The following RBL1 variants were observed in gnomAD, a reference collection of about 807,000 sequenced individuals.
RBL1 encodes the protein RB transcriptional corepressor like 1.
Under a neutral mutation model 123.0 loss-of-function variants are expected in RBL1, and 82 were observed. The ratio of observed to expected loss-of-function variants is 0.67; its 90% CI spans 0.56 to 0.80. RBL1 has a LOEUF of 0.80. Among genes scored for constraint, RBL1 ranks in the 30% least tolerant of loss-of-function variants. RBL1 has a pLI of 0.00. For missense variants in RBL1, 1,171 were observed against 1,299.6 expected (o/e 0.90, Z 1.52); for synonymous variants, 405 against 441.3 (o/e 0.92, Z 1.03).
chr20:37,085,647 A>ATTTT lies in RBL1; in HGVS notation c.290+3338_290+3341dup, dbSNP rs1202673380. ...AGTTTGTTTCATTATTTGAAATTTG[A>ATTTT]TTTTTTTTTTTTTTTTTTTTTTTTG... On this transcript the variant is annotated intron_variant, in intron 2 of 21. Transcript: ENST00000373664. 2.3e-3 allele frequency among the ~76,000 whole-genome samples: 196 copies of ATTTT among 84,608 alleles called. 2 individuals are homozygous for ATTTT. The highest frequency in any genetic ancestry group is 3.0e-3 in the African/African-American group (63 of 21,236). The allele number at this position is 84,608 out of a possible 152,430, so 55.5% of individuals were successfully genotyped here.
intron 12 of RBL1, among the ~76,000 whole-genome samples, chr20:37,045,085 T>TTACTTAC (rs1568853155): frequency 6.7e-4 from 49 of 72,696 alleles, no homozygotes; most frequent in Admixed American, 1.5e-3. Context: ...TATTTACTTA[T>TTACTTAC]TTATTTATTT....
chr20:37,025,221 G>A lies in RBL1; in HGVS notation c.2383-2395C>T, dbSNP rs558206148. ...CCTTCCTGTAATAAAGACTATATTT[G>A]CCCCTTTGAAAATTCTGCCTGGGCA... On this transcript the variant is annotated intron_variant, in intron 16 of 21. Coordinates refer to ENST00000373664, the MANE Select transcript of RBL1 (RefSeq NM_002895.5). Among the ~76,000 whole-genome samples, 8 of 149,094 alleles carry A rather than the reference G, an allele frequency of 5.4e-5. No individual in the cohort carries two copies. The South Asian group carries it at 6.4e-4, about 12-fold the overall frequency.
At chr20:37,056,077 C>G in intron 10 of RBL1, 69 bp downstream of exon 10, 1 of 1,520,252 alleles carries the variant, frequency 6.6e-7, no homozygotes, top group South Asian at 1.3e-5. Flanking sequence ...GAGGAAAAAC[C>G]GTGAATTTCT....
At position 37,055,674 on chromosome 20, in the gene RBL1, A is replaced by G. The variant is rs755716277; in HGVS notation, c.1364-18T>C. 8.2e-6 allele frequency: 13 copies of G among 1,583,096 alleles called. No homozygotes were observed. Among genetic ancestry groups the G allele is most frequent in the Admixed American group, 5.7e-5 (3 of 52,902 alleles). ...AGCAAAGTCTATCAGGGAAATACAGAGAAAACATGTGTTAATGAATTTTAG... is the reference window on the plus strand; with the variant it reads ...AGCAAAGTCTATCAGGGAAATACAGGGAAAACATGTGTTAATGAATTTTAG... On this transcript the variant is annotated intron_variant, in intron 10 of 21. Coordinates refer to ENST00000373664, the MANE Select transcript of RBL1 (RefSeq NM_002895.5).
In RBL1 at chr20:37,056,266, A is replaced by G. The variant is rs746910711; in HGVS notation, c.1251-8T>C. On this transcript the variant is annotated splice_polypyrimidine_tract_variant and splice_region_variant and intron_variant, in intron 9 of 21. Coordinates refer to ENST00000373664, the MANE Select transcript of RBL1 (RefSeq NM_002895.5). Reference sequence around the variant, plus strand: ...GGATTACGCACACAAGATCTACAAAATACAAGAGGAACCAATTACCAAACC... The same window carrying G: ...GGATTACGCACACAAGATCTACAAAGTACAAGAGGAACCAATTACCAAACC... The G allele has an allele frequency of 5.7e-6, 9 of 1,591,770 alleles. No individual in the cohort carries two copies. The Admixed American group carries it at 1.6e-4, about 29-fold the overall frequency.
chr20:37,051,877 G>A (rs1439166735), intron 11 of RBL1, among the ~76,000 whole-genome samples: 3 of 151,356 alleles, frequency 2.0e-5, no homozygotes, highest in Non-Finnish European at 4.4e-5. Flanking sequence ...CTGACTATAA[G>A]AAATTCACTT....
At chr20:37,037,898 G>A (rs2064647065) in intron 14 of RBL1, among the ~76,000 whole-genome samples, 1 of 151,856 alleles carries the variant, frequency 6.6e-6, no homozygotes, top group Non-Finnish European at 1.5e-5. Context: ...TGTTGCCCGG[G>A]CTGGTCTTGA....
In RBL1 at chr20:37,049,303, T is replaced by G. The variant is rs142890178; in HGVS notation, c.1468-2113A>C. The stretch of plus-strand genomic sequence containing the variant: ...ACAGGGAAAACCATCACCCTCAAGG[T>G]TGAACCCTCGGATACGACAGAAAAT... On this transcript the variant is annotated intron_variant, in intron 11 of 21. Coordinates refer to ENST00000373664, the MANE Select transcript of RBL1 (RefSeq NM_002895.5). 18 of 636,448 alleles carry G rather than the reference T, an allele frequency of 2.8e-5. No individual in the cohort carries two copies. The East Asian group carries it at 4.7e-4, about 17-fold the overall frequency. The allele number at this position is 636,448 out of a possible 1,614,324, so 39.4% of individuals were successfully genotyped here.
intron 15 of RBL1, among the ~76,000 whole-genome samples, chr20:37,034,756 T>TTTTA (rs771601483): frequency 1.5e-4 from 23 of 151,610 alleles, no homozygotes; most frequent in Non-Finnish European, 2.5e-4. Context: ...ATTTATAAAA[T>TTTTA]TTAAAAATAA....
chr20:37,047,021 CA>C (rs1436467880), intron 12 of RBL1, 31 bp downstream of exon 12: 1 of 1,554,022 alleles, frequency 6.4e-7, no homozygotes, highest in African/African-American at 1.4e-5. Context: ...ACACTGTTTT[CA>C]TCTCATAACA....
Position 36,999,438 on chromosome 20 carries a change from C to T in RBL1, c.3037-509G>A, listed in dbSNP as rs561262493. ...ATAAGCTTCCCGTCTCCCTCCTCTC[C>T]CTCTCCCTCCTCTCCCTCCCTCCTC... is the stretch of plus-strand genomic sequence containing the variant. On this transcript the variant is annotated intron_variant, in intron 21 of 21. Transcript: ENST00000373664. Among the ~76,000 whole-genome samples, 6 of 141,526 alleles carry T rather than the reference C, an allele frequency of 4.2e-5. No individual in the cohort carries two copies. In the South Asian group the frequency reaches 6.6e-4, roughly 15 times the overall value. The allele number at this position is 141,526 out of a possible 152,430, so 92.8% of individuals were successfully genotyped here.
chr20:37,085,420 G>T (rs1287216086), intron 2 of RBL1, among the ~76,000 whole-genome samples: 1 of 152,054 alleles, frequency 6.6e-6, no homozygotes, highest in East Asian at 1.9e-4. Context: ...ACAGGTGTGA[G>T]CCACTGTGCG....
chr20:37,091,961 G>T (rs1444852964), intron 1 of RBL1, among the ~76,000 whole-genome samples: 1 of 152,138 alleles, frequency 6.6e-6, no homozygotes, highest in Non-Finnish European at 1.5e-5. Context: ...TGGGAATAGG[G>T]TCTGGTCATG....
intron 9 of RBL1, 93 bp from the exon 10 acceptor site, chr20:37,056,351 C>CAT: frequency 3.1e-6 from 3 of 971,334 alleles, no homozygotes; most frequent in Non-Finnish European, 3.8e-6. Context: ...CCTTCTTCTT[C>CAT]TTTTTTTTTT....
intron 1 of RBL1, among the ~76,000 whole-genome samples, chr20:37,089,378 T>C (rs1415905636): frequency 6.6e-6 from 1 of 151,562 alleles, no homozygotes; most frequent in Non-Finnish European, 1.5e-5. Context: ...AAGCCTGGCT[T>C]GGTGGCTCAT....
intron 21 of RBL1, among the ~76,000 whole-genome samples, chr20:37,002,099 C>T (rs944093809): frequency 6.6e-6 from 1 of 151,704 alleles, no homozygotes; most frequent in Non-Finnish European, 1.5e-5. Context: ...AGGGCATGAT[C>T]TTGGCTCACT....
chr20:36,999,424 GTCTCCCTCCTCTCCC>G lies in RBL1; in HGVS notation c.3037-510_3037-496del, dbSNP rs373060715. Among the ~76,000 whole-genome samples the G allele has an allele frequency of 3.1e-3, 449 of 147,144 alleles. 3 individuals carry two copies. The highest frequency in any genetic ancestry group is 0.01 in the African/African-American group (388 of 38,260). On this transcript the variant is annotated intron_variant, in intron 21 of 21. Coordinates refer to ENST00000373664, the MANE Select transcript of RBL1 (RefSeq NM_002895.5). ...CCAAGAATAGAAAAATAAGCTTCCC[GTCTCCCTCCTCTCCC>G]TCTCCCTCCTCTCCCTCCCTCCTCT...
chr20:37,025,221 G>GC (rs1568834189), intron 16 of RBL1, among the ~76,000 whole-genome samples: 1 of 148,976 alleles, frequency 6.7e-6, no homozygotes, highest in Non-Finnish European at 1.5e-5. Context: ...GACTATATTT[G>GC]CCCCTTTGAA....
chr20:37,048,607 T>A, intron 11 of RBL1, among the ~76,000 whole-genome samples: 1 of 152,104 alleles, frequency 6.6e-6, no homozygotes, highest in East Asian at 1.9e-4. Flanking sequence ...GGTCAATGGA[T>A]TTTTTACTTC....
Sources: allele counts gnomAD v4.1 joint callset (sites outside exome capture counted in the v4.1 genomes callset), GRCh38; gene constraint gnomAD v4.1.1; transcripts MANE v1.5; gene names NCBI Gene and HGNC (gene_info 2026-07-23, HGNC 2026-07-21).